The following SLC33A1 variants were observed in gnomAD, a reference collection of about 807,000 sequenced individuals.
SLC33A1 encodes the protein solute carrier family 33 member 1, also known as acetyl-coenzyme A transporter 1.
Under a neutral mutation model 50.0 loss-of-function variants are expected in SLC33A1, and 20 were observed. That is an observed-to-expected ratio of 0.40 (90% confidence interval 0.28 to 0.58). The LOEUF is 0.58. Among genes scored for constraint, SLC33A1 ranks in the 20% least tolerant of loss-of-function variants. The pLI is 0.44. For missense variants in SLC33A1, 476 were observed against 657.0 expected, an observed-to-expected ratio of 0.72 and a Z score of 3.01; for synonymous variants, 265 against 251.8, an observed-to-expected ratio of 1.05 and a Z score of -0.50.
intron 4 of SLC33A1, among the ~76,000 whole-genome samples, chr3:155,830,919 T>C (rs1752400781): frequency 6.6e-6 from 1 of 152,116 alleles, no homozygotes; most frequent in Non-Finnish European, 1.5e-5. Context: ...GGAAACAAAC[T>C]GTGTTTCAAT....
intron 2 of SLC33A1, among the ~76,000 whole-genome samples, chr3:155,835,335 A>C (rs1752605745): frequency 6.6e-6 from 1 of 152,220 alleles, no homozygotes; most frequent in East Asian, 1.9e-4. Flanking sequence ...TTATATCGAT[A>C]CAGTAGGCAG....
intron 2 of SLC33A1, among the ~76,000 whole-genome samples, chr3:155,837,297 A>G (rs1329299295): frequency 2.0e-5 from 3 of 146,952 alleles, no homozygotes; most frequent in Non-Finnish European, 3.0e-5. Flanking sequence ...CAGAGCTTGC[A>G]GTGAGCCGAG....
intron 1 of SLC33A1, chr3:155,845,087 A>G (rs980152378): frequency 6.6e-6 from 1 of 152,172 alleles, no homozygotes; most frequent in African/African-American, 2.4e-5. Context: ...CTGAAAAAAA[A>G]ATAATTTTCA....
In SLC33A1 at chr3:155,854,066, G is replaced by A; in HGVS notation, c.-69C>T. 7.5e-7 allele frequency: 1 copy of A among 1,329,684 alleles called. No individual in the cohort carries two copies. The highest frequency in any genetic ancestry group is 1.0e-6 in the Non-Finnish European group (1 of 982,008). The allele number at this position is 1,329,684 out of a possible 1,614,324, so 82.4% of individuals were successfully genotyped here. ...AGCGTTTTGGATCCGTCCAGTCCCA[G>A]GTCCAAGGCTGTCGCGCTGGACCAG... On this transcript the variant is annotated 5_prime_UTR_variant, in exon 1 of 6. Coordinates refer to ENST00000643144, the MANE Select transcript of SLC33A1 (RefSeq NM_004733.4).
Position 155,829,855 on chromosome 3 carries a change from C to T in SLC33A1, c.1315G>A (p.Val439Ile), listed in dbSNP as rs1293737668. 3.7e-6 allele frequency: 6 copies of T among 1,613,726 alleles called. No homozygotes were observed. Among genetic ancestry groups the T allele is most frequent in the Admixed American group, 3.3e-5 (2 of 59,968 alleles). Reference protein sequence around the residue: ...YVSIMAFNAKVSDPLIGGTYM... With the variant: ...YVSIMAFNAKISDPLIGGTYM... The stretch of plus-strand genomic sequence containing the variant: ...GTTCCTCCAATAAGTGGATCACTAA[C>T]CTTTGCATTGAAAGCCATTATAGAA... The change falls in exon 5 of 6, where the codon GTT (valine) becomes ATT (isoleucine). Residue 439 changes from valine to isoleucine, a missense_variant. Coordinates refer to ENST00000643144, the MANE Select transcript of SLC33A1 (RefSeq NM_004733.4).
At chr3:155,834,161 G>A in intron 2 of SLC33A1, 120 bp from the exon 3 acceptor site, 2 of 732,042 alleles carry the variant, frequency 2.7e-6, no homozygotes, top group Non-Finnish European at 4.7e-6. Flanking sequence ...TTACAAGTGA[G>A]CATCATATTA....
chr3:155,834,721 A>G (rs574884374), intron 2 of SLC33A1, among the ~76,000 whole-genome samples: 1 of 152,336 alleles, frequency 6.6e-6, no homozygotes, highest in South Asian at 2.1e-4. Flanking sequence ...TTAAAGTTAA[A>G]AACAGCAGTT....
At chr3:155,845,813 T>C (rs1189986441) in intron 1 of SLC33A1, among the ~76,000 whole-genome samples, 1 of 152,216 alleles carries the variant, frequency 6.6e-6, no homozygotes, top group Non-Finnish European at 1.5e-5. Context: ...AACATGGAAA[T>C]ATTTCATTAT....
chr3:155,844,031 A>G (rs1753029855), intron 1 of SLC33A1, among the ~76,000 whole-genome samples: 1 of 152,136 alleles, frequency 6.6e-6, no homozygotes, highest in Non-Finnish European at 1.5e-5. Context: ...AAGGACCCTA[A>G]GTCACCTCTT....
intron 2 of SLC33A1, among the ~76,000 whole-genome samples, chr3:155,840,994 T>C (rs564878556): frequency 6.6e-6 from 1 of 151,544 alleles, no homozygotes; most frequent in African/African-American, 2.4e-5. Context: ...AAAAAAAATA[T>C]ATATATATAT....
At chr3:155,841,909 G>A (rs987183041) in intron 2 of SLC33A1, among the ~76,000 whole-genome samples, 2 of 151,760 alleles carry the variant, frequency 1.3e-5, no homozygotes, top group East Asian at 1.9e-4. Flanking sequence ...CACCATGACC[G>A]GCTGATTCTT....
chr3:155,848,637 G>T (rs566082062), intron 1 of SLC33A1, among the ~76,000 whole-genome samples: 43 of 152,160 alleles, frequency 2.8e-4, no homozygotes, highest in African/African-American at 1.0e-3. Context: ...AGCAGAGATC[G>T]CACCACTGCA....
intron 1 of SLC33A1, among the ~76,000 whole-genome samples, chr3:155,843,230 T>C (rs1577471294): frequency 6.6e-6 from 1 of 152,178 alleles, no homozygotes; most frequent in Admixed American, 6.6e-5. Flanking sequence ...AGGAAAGTGC[T>C]AGGGGTGGGA....
intron 1 of SLC33A1, among the ~76,000 whole-genome samples, chr3:155,844,537 C>A (rs1753088378): frequency 7.7e-6 from 1 of 129,580 alleles, no homozygotes; most frequent in Non-Finnish European, 1.5e-5. Context: ...GCAATCTCAG[C>A]TTACTGCAAC....
rs142323680 is a variant in SLC33A1, at chr3:155,843,510, A to G, written c.776-891T>C. Among the ~76,000 whole-genome samples the G allele has an allele frequency of 2.2e-3, 339 of 152,320 alleles. 2 individuals carry two copies. The highest frequency in any genetic ancestry group is 7.9e-3 in the African/African-American group (327 of 41,576). On this transcript the variant is annotated intron_variant, in intron 1 of 5. Transcript: ENST00000643144. ...TGTTTCAGTGAAAGATAGTTGAGCC[A>G]TTAGCTATCACCTTGAACAAATTTA... is the stretch of plus-strand genomic sequence containing the variant.
chr3:155,849,202 G>A (rs543163850), intron 1 of SLC33A1, among the ~76,000 whole-genome samples: 5 of 151,952 alleles, frequency 3.3e-5, no homozygotes, highest in Non-Finnish European at 7.4e-5. Context: ...GGTGTGAGCC[G>A]CTGCACCTGG....
intron 1 of SLC33A1, among the ~76,000 whole-genome samples, chr3:155,845,494 G>A (rs561320648): frequency 2.6e-5 from 4 of 151,982 alleles, no homozygotes; most frequent in Non-Finnish European, 5.9e-5. Flanking sequence ...ACCCAGACAA[G>A]GATATTTCTA....
chr3:155,853,598 C>G lies in SLC33A1; in HGVS notation c.400G>C (p.Val134Leu), dbSNP rs148175458. 83 of 1,614,156 alleles carry G rather than the reference C, an allele frequency of 5.1e-5. No homozygotes were observed. In the African/African-American group the frequency reaches 1.0e-3, roughly 19 times the overall value. ...LWAPLVDAVY[V>L]KNFGRRKSWL... ...GATTTGCGACGACCGAAGTTCTTAA[C>G]GTAGACCGCATCAACCAACGGGGCC... Residue 134 changes from valine (V) to leucine (L), a missense_variant, in exon 1 of 6, where the codon GTT (valine) becomes CTT (leucine). By Grantham distance (32) the Val-to-Leu change is conservative (BLOSUM62 1). Transcript: ENST00000643144.
chr3:155,842,067 A>G (rs1228929602), intron 2 of SLC33A1, among the ~76,000 whole-genome samples: 2 of 151,994 alleles, frequency 1.3e-5, no homozygotes, highest in East Asian at 3.9e-4. Context: ...TTTACGTCAC[A>G]CTCTTAGTAA....
Sources: allele counts gnomAD v4.1 joint callset (sites outside exome capture counted in the v4.1 genomes callset), GRCh38; gene constraint gnomAD v4.1.1; transcripts MANE v1.5; gene names NCBI Gene and HGNC (gene_info 2026-07-23, HGNC 2026-07-21).